The following DEPDC5 variants were observed in gnomAD, a reference collection of about 807,000 sequenced individuals.
The protein encoded by DEPDC5 is GATOR1 complex protein DEPDC5.
Under a neutral mutation model 217.3 loss-of-function variants are expected in DEPDC5, and 73 were observed. The observed-to-expected ratio is 0.34, with a 90% CI of 0.28 to 0.41. The LOEUF (loss-of-function observed/expected upper bound fraction) is 0.41, where lower values mean the gene tolerates loss of function less well. Among genes scored for constraint, DEPDC5 ranks in the 10% least tolerant of loss-of-function variants. DEPDC5 has a pLI of 1.00. For synonymous variants in DEPDC5, 733 were observed against 756.7 expected (o/e 0.97, Z 0.51); for missense variants, 1,675 against 2,070.1 (o/e 0.81, Z 3.70).
chr22:31,760,781 A>G (rs1219264513), intron 4 of DEPDC5, 79 bp downstream of exon 4: 1 of 1,162,960 alleles, frequency 8.6e-7, no homozygotes, highest in Non-Finnish European at 1.2e-6. Flanking sequence ...CATAATTTCA[A>G]GGGATGAGGG....
At chr22:31,843,501 T>C in intron 28 of DEPDC5, 144 bp from the exon 29 acceptor site, 1 of 963,240 alleles carries the variant, frequency 1.0e-6, no homozygotes, top group Non-Finnish European at 1.5e-6. Context: ...AAATTTCTAG[T>C]ACCGTTCCCT....
chr22:31,894,594 T>G (rs1313338974), intron 39 of DEPDC5: 1 of 152,100 alleles, frequency 6.6e-6, no homozygotes, highest in Non-Finnish European at 1.5e-5. Flanking sequence ...GCACGGAGGT[T>G]CACGCCTTGG....
At chr22:31,803,688 G>T (rs751248815) in intron 15 of DEPDC5, among the ~76,000 whole-genome samples, 1 of 152,030 alleles carries the variant, frequency 6.6e-6, no homozygotes, top group Non-Finnish European at 1.5e-5. Context: ...GGAGGTTGCA[G>T]TGAGCCGTGA....
intron 27 of DEPDC5, among the ~76,000 whole-genome samples, chr22:31,841,308 C>T (rs1392087352): frequency 1.3e-5 from 2 of 152,196 alleles, no homozygotes; most frequent in Non-Finnish European, 2.9e-5. Context: ...TGCTGTCCTC[C>T]TCTCTCCTCT....
At chr22:31,787,094 A>G (rs1349189931) in intron 10 of DEPDC5, among the ~76,000 whole-genome samples, 3 of 142,062 alleles carry the variant, frequency 2.1e-5, no homozygotes, top group South Asian at 2.3e-4. Context: ...AAGTTTTATA[A>G]TTTTTTTTTT....
chr22:31,882,417 C>T (rs1569194254), intron 38 of DEPDC5, among the ~76,000 whole-genome samples: 1 of 152,122 alleles, frequency 6.6e-6, no homozygotes. Flanking sequence ...TCATGCATGG[C>T]GACAATTTAT....
chr22:31,776,612 T>C (rs1215990682), intron 7 of DEPDC5, among the ~76,000 whole-genome samples: 1 of 149,770 alleles, frequency 6.7e-6, no homozygotes, highest in Non-Finnish European at 1.5e-5. Context: ...GTTGTGCTCT[T>C]GTTGCCCAGG....
At chr22:31,777,917 T>G in intron 7 of DEPDC5, 182 bp from the exon 8 acceptor site, 1 of 594,768 alleles carries the variant, frequency 1.7e-6, no homozygotes, top group Non-Finnish European at 3.0e-6. Flanking sequence ...CCGGCTAAAT[T>G]TTGGATTTTT....
intron 38 of DEPDC5, among the ~76,000 whole-genome samples, chr22:31,892,410 A>G (rs545175039): frequency 2.8e-4 from 43 of 152,330 alleles, no homozygotes; most frequent in Non-Finnish European, 4.9e-4. Context: ...CTGGCCGGGC[A>G]TGGTGGCTCA....
chr22:31,849,387 A>C (rs577948843), intron 31 of DEPDC5, among the ~76,000 whole-genome samples: 1 of 152,274 alleles, frequency 6.6e-6, no homozygotes, highest in South Asian at 2.1e-4. Context: ...GGCCTCAGGA[A>C]ACTTAAAATC....
chr22:31,805,154 T>G, intron 17 of DEPDC5: 1 of 299,636 alleles, frequency 3.3e-6, no homozygotes. Flanking sequence ...CCTCTGCAGT[T>G]CCCATGTCCT....
intron 18 of DEPDC5, among the ~76,000 whole-genome samples, chr22:31,807,493 G>A (rs111365154): frequency 3.8e-4 from 58 of 152,262 alleles, no homozygotes; most frequent in Non-Finnish European, 4.4e-4. Flanking sequence ...GTGCAGTGGC[G>A]TGATCTTGGC....
chr22:31,815,825 G>A (rs907966433), intron 21 of DEPDC5: 27 of 1,197,232 alleles, frequency 2.3e-5, no homozygotes, highest in East Asian at 3.9e-5. Context: ...CAATGTTACC[G>A]CACCCTGCCT....
intron 34 of DEPDC5, among the ~76,000 whole-genome samples, chr22:31,872,331 TC>T (rs1395829953): frequency 6.6e-6 from 1 of 152,206 alleles, no homozygotes; most frequent in Non-Finnish European, 1.5e-5. Context: ...TTTCAAAGGG[TC>T]GGTGTTAATT....
rs551071977 is a variant in DEPDC5, at chr22:31,866,006, A to G, written c.3330+4573A>G. 1.4e-4 allele frequency among the ~76,000 whole-genome samples: 21 copies of G among 152,252 alleles called. No homozygotes were observed. In the East Asian group the frequency reaches 3.7e-3, roughly 27 times the overall value. On this transcript the variant is annotated intron_variant, in intron 33 of 42. Transcript: ENST00000651528. ...CTACCAGCCTCCAGGCACAGTGGAG[A>G]GCTGGGCTGGCAGATCCAGCTGTTT...
At chr22:31,784,044 T>C in intron 9 of DEPDC5, 59 bp downstream of exon 9, 1 of 1,404,614 alleles carries the variant, frequency 7.1e-7, no homozygotes. Flanking sequence ...GAACTGCAAA[T>C]GCTAATTCAT....
At position 31,819,101 on chromosome 22, in the gene DEPDC5, C is replaced by T; in HGVS notation, c.1746C>T (p.Ser582=). ...PGRFHVGSAE[S]MLHVRPGGYT... ...GGTTTCACGTTGGCAGTGCAGAATC[C>T]ATGCTGCATGTTCGACCTGGTGGAT... Residue 582 remains serine (S), a synonymous_variant, in exon 22 of 43, where the codon TCC becomes TCT. Transcript: ENST00000651528. 6.2e-7 allele frequency: 1 copy of T among 1,614,200 alleles called. No homozygotes were observed. The highest frequency in any genetic ancestry group is 8.5e-7 in the Non-Finnish European group (1 of 1,180,022).
intron 24 of DEPDC5, among the ~76,000 whole-genome samples, chr22:31,832,263 C>T (rs923116633): frequency 2.0e-5 from 3 of 152,134 alleles, no homozygotes; most frequent in Admixed American, 1.3e-4. Context: ...ACAAAGTTTT[C>T]GTACGAACTT....
chr22:31,899,728 C>T (rs1457052513), intron 40 of DEPDC5, among the ~76,000 whole-genome samples: 1 of 152,110 alleles, frequency 6.6e-6, no homozygotes, highest in African/African-American at 2.4e-5. Flanking sequence ...TCAAATCCAT[C>T]CCAGGTAGAA....
Sources: gnomAD v4.1 joint callset for allele counts (sites outside exome capture counted in the v4.1 genomes callset) on GRCh38, gnomAD v4.1.1 for gene constraint, MANE v1.5 for transcripts, NCBI Gene and HGNC (gene_info 2026-07-23, HGNC 2026-07-21) for gene names.